PABIR3: variants seen among roughly 807,000 people sequenced by gnomAD.
The protein encoded by PABIR3 is PABIR family member 3.
In PABIR3, 20 loss-of-function variants were observed where a neutral mutation model predicts 23.1. The ratio of observed to expected loss-of-function variants is 0.86; its 90% CI spans 0.61 to 1.26. PABIR3 has a LOEUF of 1.26. Among genes scored for constraint, PABIR3 ranks in the 50% most tolerant of loss-of-function variants. The pLI is 0.00. For missense variants in PABIR3, 189 were observed against 195.4 expected, an observed-to-expected ratio of 0.97 and a Z score of 0.20; for synonymous variants, 69 against 68.5, an observed-to-expected ratio of 1.01 and a Z score of -0.04.
chrX:134,843,784 G>A (rs1444926379), intron 4 of PABIR3, among the ~76,000 whole-genome samples: 1 of 109,006 alleles, frequency 9.2e-6, no homozygotes, highest in African/African-American at 3.3e-5. Flanking sequence ...AGCCAGGATG[G>A]TCTCAATCTC....
At chrX:134,800,889 C>T (rs1433027551) in intron 1 of PABIR3, among the ~76,000 whole-genome samples, 1 of 112,243 alleles carries the variant, frequency 8.9e-6, no homozygotes, top group Non-Finnish European at 1.9e-5. Flanking sequence ...TCTAGAACTG[C>T]CCGAAAGGTA....
At chrX:134,848,041 A>G in intron 8 of PABIR3, 70 bp downstream of exon 8, 1 of 908,764 alleles carries the variant, frequency 1.1e-6, no homozygotes, top group Non-Finnish European at 1.5e-6. Flanking sequence ...AAAAGAAATT[A>G]TAGCTCCAAG....
At chrX:134,860,405 G>A in the PABIR3 span, among the ~76,000 whole-genome samples, 5 of 111,509 alleles carry the variant, frequency 4.5e-5, no homozygotes, top group African/African-American at 1.6e-4. Context: ...ACTTGATTTG[G>A]AATACACCCA....
chrX:134,804,059 T>C, upstream of PABIR3: 1 of 390,601 alleles, frequency 2.6e-6, no homozygotes, highest in Non-Finnish European at 4.5e-6. Context: ...ACTGGTAAAA[T>C]AAAGAGCTGA....
At chrX:134,842,620 G>A (rs777764131) in intron 4 of PABIR3, among the ~76,000 whole-genome samples, 3 of 111,233 alleles carry the variant, frequency 2.7e-5, no homozygotes, top group Non-Finnish European at 5.7e-5. Flanking sequence ...AAAAAAGTCC[G>A]GGCACAGTGG....
At position 134,849,195 on chromosome X, in the gene PABIR3, A is replaced by G; in HGVS notation, c.556A>G (p.Arg186Gly). The part of the protein sequence containing the change: ...IRSQNPTNII[R>G]PSILGPLKRK... ...AAGTCAAAATCCTACCAACATTATT[A>G]GACCAAGTATCCTTGGACCATTAAA... Residue 186 changes from arginine (R) to glycine (G), a missense_variant, in exon 9 of 11, where the codon AGA (arginine) becomes GGA (glycine). Physicochemically the swap from Arg to Gly is moderately radical, Grantham distance 125. Transcript: ENST00000645433. 4.1e-6 allele frequency: 4 copies of G among 986,869 alleles called. No individual in the cohort carries two copies. The highest frequency in any genetic ancestry group is 5.2e-6 in the Non-Finnish European group (4 of 771,865). The allele number at this position is 986,869 out of a possible 1,213,427, so 81.3% of individuals were successfully genotyped here.
chrX:134,823,906 G>A (rs188638933), intron 3 of PABIR3, among the ~76,000 whole-genome samples: 2 of 111,025 alleles, frequency 1.8e-5, no homozygotes, highest in East Asian at 5.6e-4. Flanking sequence ...AATGTTGAGA[G>A]GGTATGAGGA....
chrX:134,826,550 A>G (rs1278892248), intron 3 of PABIR3, among the ~76,000 whole-genome samples: 4 of 111,441 alleles, frequency 3.6e-5, no homozygotes, highest in South Asian at 3.7e-4. Flanking sequence ...TTTTTTTAAG[A>G]AAAAAATTCT....
intron 4 of PABIR3, among the ~76,000 whole-genome samples, chrX:134,838,539 G>A (rs1350940365): frequency 3.8e-4 from 41 of 108,139 alleles, no homozygotes; most frequent in African/African-American, 1.4e-3. Context: ...TCCTGACCTC[G>A]TGATCCAACC....
intron 2 of PABIR3, 28 bp from the exon 3 acceptor site, chrX:134,814,743 T>A: frequency 9.8e-7 from 1 of 1,024,324 alleles, no homozygotes; most frequent in Non-Finnish European, 1.3e-6. Context: ...GGATTTTATA[T>A]AACACATGTT....
chrX:134,842,896 C>T (rs745526287), intron 4 of PABIR3, among the ~76,000 whole-genome samples: 1 of 102,988 alleles, frequency 9.7e-6, no homozygotes, highest in South Asian at 4.4e-4. Flanking sequence ...AAAACTCCGT[C>T]TCAAAAAAAA....
intron 2 of PABIR3, chrX:134,808,318 T>A (rs1256361061): frequency 6.9e-6 from 2 of 288,942 alleles, no homozygotes; most frequent in East Asian, 4.9e-5. Context: ...GCCTCCCTAG[T>A]AGCTAGGATT....
At chrX:134,813,977 T>G (rs1457314596) in intron 2 of PABIR3, among the ~76,000 whole-genome samples, 4 of 109,702 alleles carry the variant, frequency 3.6e-5, no homozygotes, top group African/African-American at 6.6e-5. Flanking sequence ...TGGGTGTTTT[T>G]TTTTTTTTTA....
intron 9 of PABIR3, among the ~76,000 whole-genome samples, chrX:134,849,476 A>G (rs1344511574): frequency 8.9e-6 from 1 of 111,865 alleles, no homozygotes; most frequent in South Asian, 3.7e-4. Flanking sequence ...AGGATTTTCA[A>G]TATAATTCAC....
At chrX:134,844,041 C>T (rs1479681711) in intron 4 of PABIR3, 1 of 106,450 alleles carries the variant, frequency 9.4e-6, no homozygotes, top group Non-Finnish European at 1.9e-5. Flanking sequence ...TCTTGTGCCT[C>T]AGCCTCCTGA....
chrX:134,834,612 A>G (rs775784003), intron 4 of PABIR3, among the ~76,000 whole-genome samples: 1 of 112,228 alleles, frequency 8.9e-6, no homozygotes, highest in African/African-American at 3.2e-5. Flanking sequence ...GGTATTGCCT[A>G]GGTTTTCTTC....
chrX:134,845,205 GAAGAAGCCATGGATTTAATAAA>G lies in PABIR3; in HGVS notation c.248_269del (p.Glu83ValfsTer16). ...TATTCTCATTTTCCTACCTTTACAGGAAGAAGCCATGGATTTAATAAATAGAGAAACAATGTCTGAATGGTGA... is the reference window on the plus strand; with the variant it reads ...TATTCTCATTTTCCTACCTTTACAGGTAGAGAAACAATGTCTGAATGGTGA... On this transcript the variant is annotated frameshift_variant and splice_region_variant, in exon 5 of 11. Coordinates refer to ENST00000645433, the MANE Select transcript of PABIR3 (RefSeq NM_001388447.1). LOFTEE classifies it high-confidence loss of function. 3 of 1,190,517 alleles carry G rather than the reference GAAGAAGCCATGGATTTAATAAA, an allele frequency of 2.5e-6. No individual in the cohort carries two copies. The highest frequency in any genetic ancestry group is 3.4e-6 in the Non-Finnish European group (3 of 883,370).
chrX:134,814,032 A>T (rs1241780630), intron 2 of PABIR3, among the ~76,000 whole-genome samples: 1 of 109,839 alleles, frequency 9.1e-6, no homozygotes, highest in Non-Finnish European at 1.9e-5. Flanking sequence ...AAACATTTTT[A>T]ACACTGTAGG....
chrX:134,809,293 G>A, intron 2 of PABIR3: 1 of 121,277 alleles, frequency 8.2e-6, no homozygotes, highest in South Asian at 2.4e-4. Flanking sequence ...AGACTCCCGA[G>A]TAGCTGGGAC....
Sources: allele counts gnomAD v4.1 joint callset (sites outside exome capture counted in the v4.1 genomes callset), GRCh38; gene constraint gnomAD v4.1.1; transcripts MANE v1.5; gene names NCBI Gene and HGNC (gene_info 2026-07-23, HGNC 2026-07-21).